The following HEATR5A variants were observed in gnomAD, a reference collection of about 807,000 sequenced individuals.
The protein encoded by HEATR5A is HEAT repeat containing 5A.
A neutral mutation model predicts 218.8 loss-of-function variants in HEATR5A; 178 were observed. The ratio of observed to expected loss-of-function variants is 0.81; its 90% confidence interval spans 0.72 to 0.92. The LOEUF is 0.92. HEATR5A is among the 40% of genes least tolerant of loss of function. The probability of loss-of-function intolerance (pLI) is 0.00; values close to 1 mark genes in which losing one functional copy is unlikely to be tolerated. For synonymous variants in HEATR5A, 864 were observed against 871.6 expected (o/e 0.99, Z 0.15); for missense variants, 2,420 against 2,418.9 (o/e 1.00, Z -0.01).
chr14:31,306,659 T>C (rs957650848), intron 31 of HEATR5A, 73 bp downstream of exon 31: 9 of 1,396,200 alleles, frequency 6.4e-6, no homozygotes, highest in East Asian at 2.5e-5. Context: ...CAAAACTATA[T>C]AGATACATTA....
Position 31,293,357 on chromosome 14 carries a change from G to A in HEATR5A, c.6089C>T (p.Thr2030Ile). Residue 2030 changes from threonine (T) to isoleucine (I), a missense_variant, in exon 36 of 36, where the codon ACT becomes ATT. Transcript: ENST00000543095. ...VKVKIPTSKYTKSPGKNSSIQ... is the reference protein window; with the variant it reads ...VKVKIPTSKYIKSPGKNSSIQ... ...GCTTGAGTTTTTTCCAGGACTCTTA[G>A]TATATTTAGATGTTGGTATCTTGAC... is the stretch of plus-strand genomic sequence containing the variant. 1.2e-6 allele frequency: 2 copies of A among 1,611,430 alleles called. No homozygotes were observed. The highest frequency in any genetic ancestry group is 1.7e-6 in the Non-Finnish European group (2 of 1,179,308).
Position 31,364,317 on chromosome 14 carries a change from G to C in HEATR5A, c.1962-19C>G. ...AGAAAGCCTTAAAATAAAAGAAAAA[G>C]TGTATCTTAAGTGGTTAAGTTATAT... On this transcript the variant is annotated intron_variant, in intron 13 of 35. Transcript: ENST00000543095. The C allele has an allele frequency of 7.7e-7, 1 of 1,300,764 alleles. No homozygotes were observed. Among genetic ancestry groups the C allele is most frequent in the East Asian group, 2.5e-5 (1 of 39,668 alleles). 80.6% of individuals were successfully genotyped at this position (1,300,764 alleles called of 1,614,324 possible).
chr14:31,298,340 A>G (rs925834083), intron 33 of HEATR5A, among the ~76,000 whole-genome samples: 1 of 152,206 alleles, frequency 6.6e-6, no homozygotes, highest in Non-Finnish European at 1.5e-5. Context: ...CTTAGTAGCT[A>G]GTCTAAATCC....
chr14:31,393,769 A>G (rs1283586939), intron 6 of HEATR5A, among the ~76,000 whole-genome samples: 1 of 151,932 alleles, frequency 6.6e-6, no homozygotes, highest in Non-Finnish European at 1.5e-5. Flanking sequence ...GATTCTTGTA[A>G]TCCCAAGTAG....
chr14:31,367,570 T>TC (rs1901851530), intron 13 of HEATR5A, among the ~76,000 whole-genome samples: 1 of 5,204 alleles, frequency 1.9e-4, no homozygotes, highest in Non-Finnish European at 1.4e-3. Context: ...GCCCAGCTAA[T>TC]TTTTTTTTTT....
intron 16 of HEATR5A, among the ~76,000 whole-genome samples, chr14:31,357,668 G>T (rs1241661698): frequency 6.6e-6 from 1 of 152,124 alleles, no homozygotes; most frequent in African/African-American, 2.4e-5. Context: ...CAAAACCAAA[G>T]TCCATTTTTT....
chr14:31,321,728 C>CA (rs772672316), intron 24 of HEATR5A, 48 bp from the exon 25 acceptor site: 10 of 1,388,316 alleles, frequency 7.2e-6, no homozygotes, highest in South Asian at 2.8e-5. Flanking sequence ...TAGAAAATAT[C>CA]AAAAAAATGT....
At chr14:31,400,901 C>G (rs1238354151) in intron 2 of HEATR5A, among the ~76,000 whole-genome samples, 3 of 151,318 alleles carry the variant, frequency 2.0e-5, no homozygotes, top group Admixed American at 2.0e-4. Context: ...GTGCAGTGGC[C>G]CGATCTCCGG....
Position 31,345,241 on chromosome 14 carries a change from A to G in HEATR5A, c.2904T>C (p.Asp968=). The G allele has an allele frequency of 6.2e-7, 1 of 1,613,002 alleles. No homozygotes were observed. Among genetic ancestry groups the G allele is most frequent in the Non-Finnish European group, 8.5e-7 (1 of 1,179,312 alleles). ...WALHSLSLII[D]SAGPLYYVHV... The stretch of plus-strand genomic sequence containing the variant: ...GCACATAATAGAGTGGGCCAGCAGA[A>G]TCAATGATCAATGATAGAGAATGTA... The change falls in exon 20 of 36, where the codon GAT becomes GAC. Residue 968 remains aspartate, a synonymous_variant. Coordinates refer to ENST00000543095, the MANE Select transcript of HEATR5A (RefSeq NM_015473.4).
At chr14:31,294,174 G>GA in intron 34 of HEATR5A, 70 bp from the exon 35 acceptor site, 1 of 997,394 alleles carries the variant, frequency 1.0e-6, no homozygotes, top group Non-Finnish European at 1.5e-6. Flanking sequence ...AGGACTCTTT[G>GA]CTTTTTAAAG....
intron 16 of HEATR5A, among the ~76,000 whole-genome samples, chr14:31,356,637 T>C (rs1045790154): frequency 3.3e-5 from 5 of 152,200 alleles, no homozygotes; most frequent in Non-Finnish European, 7.3e-5. Context: ...TCAATGTTTT[T>C]ATCAAAACAA....
At chr14:31,352,430 G>A (rs181999757) in intron 16 of HEATR5A, among the ~76,000 whole-genome samples, 291 of 152,244 alleles carry the variant, frequency 1.9e-3, no homozygotes, top group Admixed American at 6.1e-3. Flanking sequence ...TGACCTTCAT[G>A]TACTTTCAAT....
At chr14:31,329,990 C>T (rs1194875365) in intron 22 of HEATR5A, among the ~76,000 whole-genome samples, 1 of 152,210 alleles carries the variant, frequency 6.6e-6, no homozygotes, top group East Asian at 1.9e-4. Flanking sequence ...GGATTATGGG[C>T]GTGAGCCATC....
intron 32 of HEATR5A, among the ~76,000 whole-genome samples, 168 bp downstream of exon 32, chr14:31,304,737 T>G (rs1293768798): frequency 2.6e-5 from 4 of 152,210 alleles, no homozygotes; most frequent in African/African-American, 9.6e-5. Flanking sequence ...TTACTTTTAG[T>G]AAAACAATTT....
chr14:31,326,211 G>T lies in HEATR5A; in HGVS notation c.3499C>A (p.Leu1167Ile). ...YMLTSMAVEK[L>I]SLWLKLCKDV... ...TTACAAAGCTTTAACCACAGGGAGA[G>T]TTTTTCCACTGCCATAGATGTAAGC... Residue 1167 changes from leucine (L) to isoleucine (I), a missense_variant, in exon 23 of 36, where the codon CTC (leucine) becomes ATC (isoleucine). Physicochemically the swap from Leu to Ile is conservative, Grantham distance 5 (BLOSUM62 2). Coordinates refer to ENST00000543095, the MANE Select transcript of HEATR5A (RefSeq NM_015473.4). 1 of 1,613,360 alleles carries T rather than the reference G, an allele frequency of 6.2e-7. No individual in the cohort carries two copies. The highest frequency in any genetic ancestry group is 8.5e-7 in the Non-Finnish European group (1 of 1,179,468).
At chr14:31,325,258 C>A (rs894685737) in intron 23 of HEATR5A, among the ~76,000 whole-genome samples, 1 of 152,086 alleles carries the variant, frequency 6.6e-6, no homozygotes, top group African/African-American at 2.4e-5. Flanking sequence ...TTCTCTCTTA[C>A]TCCAAGGATA....
rs960490213 is a variant in HEATR5A at position 31,388,897 on chromosome 14, A to T, written c.881T>A (p.Met294Lys). 6.2e-7 allele frequency: 1 copy of T among 1,613,802 alleles called. No individual in the cohort carries two copies. Among genetic ancestry groups the T allele is most frequent in the African/African-American group, 1.3e-5 (1 of 74,904 alleles). ...ACTGACTGAACTGGTTCCTTTCAGC[A>T]TATCTCCACTGGCTCGAAGGAATCC... is the stretch of plus-strand genomic sequence containing the variant. ...SSGFLRASGD[M>K]LKGTSSVSRD... Residue 294 changes from methionine (M) to lysine (K), a missense_variant, in exon 7 of 36, where the codon ATG (methionine) becomes AAG (lysine). By Grantham distance (95) the Met-to-Lys change is moderately conservative. Transcript: ENST00000543095.
At chr14:31,409,086 T>G (rs2031186575) in intron 1 of HEATR5A, among the ~76,000 whole-genome samples, 1 of 134,674 alleles carries the variant, frequency 7.4e-6, no homozygotes, top group South Asian at 2.6e-4. Context: ...CTTACCCTGT[T>G]GCCCAGGCTG....
chr14:31,354,871 G>A (rs1247012667), intron 16 of HEATR5A, among the ~76,000 whole-genome samples: 1 of 152,136 alleles, frequency 6.6e-6, no homozygotes, highest in Non-Finnish European at 1.5e-5. Flanking sequence ...AACTGTTTAA[G>A]CTTTTCCTCT....
Sources: allele counts gnomAD v4.1 joint callset (sites outside exome capture counted in the v4.1 genomes callset), GRCh38; gene constraint gnomAD v4.1.1; transcripts MANE v1.5; gene names NCBI Gene and HGNC (gene_info 2026-07-23, HGNC 2026-07-21).